IGSF21: variants seen among roughly 807,000 people sequenced by gnomAD.
IGSF21 encodes immunoglobulin superfamily member 21.
Under a neutral mutation model 46.8 loss-of-function variants are expected in IGSF21, and 28 were observed. That is an observed-to-expected ratio of 0.60 (90% CI 0.44 to 0.82). IGSF21 has a LOEUF of 0.82. Among genes scored for constraint, IGSF21 ranks in the 40% least tolerant of loss-of-function variants. The probability of loss-of-function intolerance (pLI) is 0.00; values close to 1 mark genes in which losing one functional copy is unlikely to be tolerated. For synonymous variants in IGSF21, 284 were observed against 273.6 expected, an observed-to-expected ratio of 1.04 and a Z score of -0.38; for missense variants, 624 against 665.5, an observed-to-expected ratio of 0.94 and a Z score of 0.69.
At chr1:18,258,270 G>C (rs1294184868) in intron 2 of IGSF21, among the ~76,000 whole-genome samples, 4 of 152,178 alleles carry the variant, frequency 2.6e-5, no homozygotes. Context: ...GGGGATTAAA[G>C]GGACTTCTGT....
At chr1:18,233,331 C>G (rs148274901) in intron 2 of IGSF21, among the ~76,000 whole-genome samples, 1 of 152,222 alleles carries the variant, frequency 6.6e-6, no homozygotes, top group Non-Finnish European at 1.5e-5. Context: ...AGGTGATCGT[C>G]CCCTCTGGGT....
intron 2 of IGSF21, among the ~76,000 whole-genome samples, chr1:18,269,691 C>A (rs2085024410): frequency 1.3e-5 from 2 of 152,102 alleles, no homozygotes; most frequent in African/African-American, 4.8e-5. Flanking sequence ...GTGCTAGATA[C>A]CCCCAGTCTG....
At chr1:18,205,398 G>C (rs1422340369) in intron 1 of IGSF21, among the ~76,000 whole-genome samples, 1 of 152,120 alleles carries the variant, frequency 6.6e-6, no homozygotes, top group South Asian at 2.1e-4. Flanking sequence ...GGTAGGAGTA[G>C]GAAGCTACCT....
intron 4 of IGSF21, among the ~76,000 whole-genome samples, chr1:18,354,234 G>A (rs2085990791): frequency 6.6e-6 from 1 of 152,182 alleles, no homozygotes; most frequent in Admixed American, 6.5e-5. Flanking sequence ...AAGGCCCAGT[G>A]TGTGCAGGGC....
intron 2 of IGSF21, among the ~76,000 whole-genome samples, chr1:18,271,389 C>G (rs1214183234): frequency 6.6e-6 from 1 of 152,238 alleles, no homozygotes; most frequent in African/African-American, 2.4e-5. Context: ...GAAAGCCCCA[C>G]ATCCCAGGCC....
At chr1:18,225,829 C>G (rs1262807132) in intron 1 of IGSF21, among the ~76,000 whole-genome samples, 5 of 152,210 alleles carry the variant, frequency 3.3e-5, no homozygotes, top group Non-Finnish European at 5.9e-5. Context: ...GCCACTTTCT[C>G]TCACCTCTTC....
chr1:18,329,230 T>C (rs1450933263), intron 3 of IGSF21, among the ~76,000 whole-genome samples: 3 of 152,200 alleles, frequency 2.0e-5, no homozygotes, highest in Non-Finnish European at 4.4e-5. Context: ...GTAGCAAAGA[T>C]TCAGTTAGAG....
chr1:18,182,668 A>G (rs2086868077), intron 1 of IGSF21, among the ~76,000 whole-genome samples: 1 of 152,228 alleles, frequency 6.6e-6, no homozygotes. Flanking sequence ...GAATGCATGC[A>G]TGGATGAATG....
rs2086306663 is a variant in IGSF21 at position 18,378,288 on chromosome 1, T to C, written c.1366T>C (p.Leu456=). Residue 456 remains leucine (L), a synonymous_variant, in exon 10 of 10, where the codon TTG becomes CTG. Coordinates refer to ENST00000251296, the MANE Select transcript of IGSF21 (RefSeq NM_032880.5). ...TGGCCCCACTGGTGCCCGGCTCACC[T>C]TGGTGCTCGCCCTGACAGTGATTCT... The part of the protein sequence containing the change: ...SIGPTGARLT[L]VLALTVILEL... The C allele has an allele frequency of 1.2e-6, 2 of 1,613,958 alleles. No homozygotes were observed. The highest frequency in any genetic ancestry group is 1.7e-6 in the Non-Finnish European group (2 of 1,179,984).
At chr1:18,301,153 A>T (rs1023582786) in intron 3 of IGSF21, among the ~76,000 whole-genome samples, 1 of 152,190 alleles carries the variant, frequency 6.6e-6, no homozygotes, top group African/African-American at 2.4e-5. Flanking sequence ...GCTGACATGG[A>T]AGAACGAGAG....
intron 1 of IGSF21, among the ~76,000 whole-genome samples, chr1:18,166,599 T>C (rs1473790619): frequency 6.6e-6 from 1 of 152,230 alleles, no homozygotes; most frequent in African/African-American, 2.4e-5. Flanking sequence ...GGGTTCAGTA[T>C]GCTGCAACCA....
chr1:18,110,009 G>C (rs1426649525), intron 1 of IGSF21: 1 of 152,310 alleles, frequency 6.6e-6, no homozygotes, highest in Non-Finnish European at 1.5e-5. Flanking sequence ...GCTCTCCCTG[G>C]AACCCGGGAG....
intron 3 of IGSF21, among the ~76,000 whole-genome samples, chr1:18,312,868 G>A (rs2085502296): frequency 6.6e-6 from 1 of 152,216 alleles, no homozygotes; most frequent in South Asian, 2.1e-4. Context: ...GGTTATCACT[G>A]TGACAATCAC....
At chr1:18,228,330 C>A (rs1178084881) in intron 2 of IGSF21, among the ~76,000 whole-genome samples, 1 of 152,190 alleles carries the variant, frequency 6.6e-6, no homozygotes, top group Non-Finnish European at 1.5e-5. Context: ...CAAGTGATAT[C>A]TGATGGTGGA....
chr1:18,115,152 C>T (rs532055282), intron 1 of IGSF21: 26 of 152,554 alleles, frequency 1.7e-4, no homozygotes, highest in African/African-American at 5.5e-4. Flanking sequence ...CCTCCTCCCC[C>T]ACTTCCGCCC....
chr1:18,250,616 G>T (rs223199), intron 2 of IGSF21, among the ~76,000 whole-genome samples: 126,146 of 152,202 alleles, frequency 0.83, 52,894 homozygotes, highest in African/African-American at 0.95. Flanking sequence ...AGGATCGCCA[G>T]GTAGTTAAAG....
chr1:18,205,273 G>T (rs529872667), intron 1 of IGSF21, among the ~76,000 whole-genome samples: 2 of 152,140 alleles, frequency 1.3e-5, no homozygotes, highest in African/African-American at 4.8e-5. Context: ...GATTACCTGG[G>T]TTATTTTTTA....
chr1:18,112,067 G>A (rs1220275240), intron 1 of IGSF21: 1 of 152,286 alleles, frequency 6.6e-6, no homozygotes, highest in African/African-American at 2.4e-5. Flanking sequence ...TGCTTAGTTA[G>A]GTGCCTGGTT....
chr1:18,137,017 C>A (rs2086373149), intron 1 of IGSF21, among the ~76,000 whole-genome samples: 1 of 152,098 alleles, frequency 6.6e-6, no homozygotes, highest in Non-Finnish European at 1.5e-5. Context: ...CTCTTTGAAG[C>A]AATTGAGACT....
Sources: allele counts gnomAD v4.1 joint callset (sites outside exome capture counted in the v4.1 genomes callset), GRCh38; gene constraint gnomAD v4.1.1; transcripts MANE v1.5; gene names NCBI Gene and HGNC (gene_info 2026-07-23, HGNC 2026-07-21).